Variants in PGK1 observed in about 807,000 individuals in gnomAD.
PGK1 encodes phosphoglycerate kinase 1, also known as PRP 2.
In PGK1, 3 loss-of-function variants were observed where a neutral mutation model predicts 26.9. The ratio of observed to expected loss-of-function variants is 0.11; its 90% CI spans 0.05 to 0.29. The LOEUF is 0.29. Ranked by LOEUF, PGK1 falls within the 10% of genes least tolerant of loss-of-function variation. The pLI, the probability that PGK1 is intolerant of heterozygous loss-of-function variation, is 1.00. For synonymous variants in PGK1, 125 were observed against 115.3 expected (o/e 1.08, Z -0.54); for missense variants, 270 against 314.7 (o/e 0.86, Z 1.07).
rs1861948354 is a variant in PGK1, at chrX:78,126,081, A to T, written c.*251A>T. On this transcript the variant is annotated 3_prime_UTR_variant, in exon 11 of 11. Transcript: ENST00000373316. ...AACCATTGTGCATTCTAGAGTGCAT[A>T]TATTTATATTTTGCCTGTTAAAAAG... The T allele has an allele frequency of 2.5e-6, 1 of 399,125 alleles. No homozygotes were observed. The highest frequency in any genetic ancestry group is 4.4e-6 in the Non-Finnish European group (1 of 227,715). The allele number at this position is 399,125 out of a possible 1,213,427, so 32.9% of individuals were successfully genotyped here. A position where few individuals can be genotyped will look rare whatever the true frequency, so the allele number is the denominator to read the frequency against.
rs782132684 is a variant in PGK1 at position 78,111,385 on chromosome X, T to A, written c.116+1468T>A. The stretch of plus-strand genomic sequence containing the variant: ...ATGAGTCACTGTGCTCCGCCTATTT[T>A]AAATTTTAAATGAAGGGTTTGTGTT... On this transcript the variant is annotated intron_variant, in intron 2 of 10. Transcript: ENST00000373316. Among the ~76,000 whole-genome samples the A allele has an allele frequency of 2.6e-4, 29 of 112,692 alleles. 1 individual carries two copies. In the Middle Eastern group the frequency reaches 0.014, roughly 54 times the overall value.
intron 2 of PGK1, among the ~76,000 whole-genome samples, chrX:78,110,739 T>C (rs1557246810): frequency 9.0e-6 from 1 of 110,713 alleles, no homozygotes; most frequent in Non-Finnish European, 1.9e-5. Flanking sequence ...CAAGCCCCCA[T>C]TCAAATGGCT....
chrX:78,114,965 G>A (rs1183046689), intron 4 of PGK1, among the ~76,000 whole-genome samples: 1 of 112,030 alleles, frequency 8.9e-6, no homozygotes. Context: ...TTAGTATCTC[G>A]GAGAACAAGA....
intron 2 of PGK1, among the ~76,000 whole-genome samples, chrX:78,110,587 A>G (rs1354564949): frequency 2.7e-5 from 3 of 110,115 alleles, no homozygotes; most frequent in Non-Finnish European, 5.7e-5. Flanking sequence ...AGCCTGGCCA[A>G]TATAGTAAGA....
chrX:78,111,276 C>T (rs782143126), intron 2 of PGK1, among the ~76,000 whole-genome samples: 29 of 110,698 alleles, frequency 2.6e-4, no homozygotes, highest in Admixed American at 2.5e-3. Context: ...TTTGTAGAGA[C>T]AGCGTTTTGC....
At chrX:78,108,480 T>G (rs2078282891) in intron 1 of PGK1, among the ~76,000 whole-genome samples, 1 of 112,483 alleles carries the variant, frequency 8.9e-6, no homozygotes, top group Non-Finnish European at 1.9e-5. Context: ...CTTACTGCCT[T>G]TAATTTTGAA....
chrX:78,105,561 G>C (rs2078268475), intron 1 of PGK1, among the ~76,000 whole-genome samples: 1 of 111,566 alleles, frequency 9.0e-6, no homozygotes, highest in Non-Finnish European at 1.9e-5. Context: ...TAACAGACAC[G>C]TAAGTCAGTA....
rs1189941011 is a variant in PGK1 at position 78,110,004 on chromosome X, G to A, written c.116+87G>A. ...GTTTTTCCTTTCATATTGTATTATG[G>A]AACTGTAGCAACTTAAAACAAATGA... On this transcript the variant is annotated intron_variant, in intron 2 of 10. Transcript: ENST00000373316. The A allele has an allele frequency of 7.9e-6, 5 of 633,203 alleles. No homozygotes were observed. In the African/African-American group the frequency reaches 1.1e-4, roughly 14 times the overall value. The allele number at this position is 633,203 out of a possible 1,213,427, so 52.2% of individuals were successfully genotyped here.
intron 2 of PGK1, among the ~76,000 whole-genome samples, chrX:78,111,007 CAT>C (rs2078298345): frequency 9.3e-6 from 1 of 107,945 alleles, no homozygotes; most frequent in Admixed American, 9.9e-5. Flanking sequence ...ATATGGGTTA[CAT>C]GAGATATTTT....
chrX:78,124,362 CTGTT>C (rs2078371945), intron 8 of PGK1, among the ~76,000 whole-genome samples: 1 of 111,762 alleles, frequency 8.9e-6, no homozygotes, highest in Admixed American at 9.5e-5. Flanking sequence ...GCCAAACAGT[CTGTT>C]TGAATAAGCC....
intron 1 of PGK1, among the ~76,000 whole-genome samples, chrX:78,109,372 G>T (rs1286059251): frequency 1.8e-5 from 2 of 110,690 alleles, no homozygotes; most frequent in East Asian, 2.8e-4. Flanking sequence ...CCCAGAAATA[G>T]TATCAAGGGA....
intron 8 of PGK1, among the ~76,000 whole-genome samples, 190 bp from the exon 9 acceptor site, chrX:78,124,684 G>A (rs782516093): frequency 8.0e-5 from 9 of 111,894 alleles, no homozygotes; most frequent in Non-Finnish European, 1.7e-4. Flanking sequence ...GAGGTTTTCC[G>A]TTAGACTTGA....
Position 78,127,788 on chromosome X carries a change from G to T in PGK1, c.*1958G>T, listed in dbSNP as rs1262916859. On this transcript the variant is annotated 3_prime_UTR_variant, in exon 11 of 11. Coordinates refer to ENST00000373316, the MANE Select transcript of PGK1 (RefSeq NM_000291.4). ...CTTCATTTGTATTTTAGTTAATACTGTACCCATATTTGTAGTTAATTTTAA... is the reference window on the plus strand; with the variant it reads ...CTTCATTTGTATTTTAGTTAATACTTTACCCATATTTGTAGTTAATTTTAA... 1 of 112,456 alleles carries T rather than the reference G, an allele frequency of 8.9e-6. No homozygotes were observed. Among genetic ancestry groups the T allele is most frequent in the East Asian group, 2.8e-4 (1 of 3,626 alleles). 9.3% of individuals were successfully genotyped at this position (112,456 alleles called of 1,213,427 possible). A position where few individuals can be genotyped will look rare whatever the true frequency, so the allele number is the denominator to read the frequency against.
intron 1 of PGK1, among the ~76,000 whole-genome samples, chrX:78,105,059 C>T (rs1006105252): frequency 2.7e-5 from 3 of 112,315 alleles, no homozygotes; most frequent in Admixed American, 1.9e-4. Flanking sequence ...AGGATTGTGA[C>T]ATACTAGGTA....
At chrX:78,107,919 G>A (rs1303308377) in intron 1 of PGK1, among the ~76,000 whole-genome samples, 5 of 107,057 alleles carry the variant, frequency 4.7e-5, no homozygotes, top group Non-Finnish European at 9.6e-5. Flanking sequence ...AGTAATAACT[G>A]ACTTTGTGCC....
chrX:78,111,260 A>AT lies in PGK1; in HGVS notation c.116+1351dup, dbSNP rs782362663. Among the ~76,000 whole-genome samples the AT allele has an allele frequency of 7.4e-4, 81 of 109,402 alleles. 3 individuals are homozygous for AT. In the Admixed American group the frequency reaches 7.8e-3, roughly 11 times the overall value. ...CCACCACACCTGGCTACTTTTTCAT[A>AT]TTTTTTTTGTAGAGACAGCGTTTTG... On this transcript the variant is annotated intron_variant, in intron 2 of 10. Transcript: ENST00000373316.
chrX:78,124,320 C>T (rs2078371736), intron 8 of PGK1, among the ~76,000 whole-genome samples: 1 of 111,707 alleles, frequency 9.0e-6, no homozygotes, highest in Admixed American at 9.5e-5. Context: ...GGGTCCCACC[C>T]CAGACCTACC....
At chrX:78,109,192 C>G (rs2078287573) in intron 1 of PGK1, among the ~76,000 whole-genome samples, 1 of 111,537 alleles carries the variant, frequency 9.0e-6, no homozygotes. Context: ...GGGCACATGT[C>G]CCACCCTCTC....
rs1321461951 is a variant in PGK1, at chrX:78,113,913, T to G, written c.272+14T>G. 1 of 1,208,723 alleles carries G rather than the reference T, an allele frequency of 8.3e-7. No individual in the cohort carries two copies. The highest frequency in any genetic ancestry group is 3.0e-5 in the East Asian group (1 of 33,768). ...TCTGCTGGGCAAGTAAGTGCCAGGC[T>G]CTGGTGCTGGTAGACTTTGTGGCGG... On this transcript the variant is annotated intron_variant, in intron 3 of 10. Coordinates refer to ENST00000373316, the MANE Select transcript of PGK1 (RefSeq NM_000291.4).
Sources: gnomAD v4.1 joint callset for allele counts (sites outside exome capture counted in the v4.1 genomes callset) on GRCh38, gnomAD v4.1.1 for gene constraint, MANE v1.5 for transcripts, NCBI Gene and HGNC (gene_info 2026-07-23, HGNC 2026-07-21) for gene names.